The following GEMIN2 variants were observed in gnomAD, a reference collection of about 807,000 sequenced individuals.
The protein encoded by GEMIN2 is gem-associated protein 2.
GEMIN2 carries 37 observed loss-of-function variants against 45.8 expected under a neutral mutation model. The ratio of observed to expected loss-of-function variants is 0.81; its 90% confidence interval spans 0.62 to 1.06. The LOEUF is 1.06. Among genes scored for constraint, GEMIN2 ranks in the 50% least tolerant of loss-of-function variants. The pLI, the probability that GEMIN2 is intolerant of heterozygous loss-of-function variation, is 0.00. For synonymous variants in GEMIN2, 101 were observed against 111.5 expected, an observed-to-expected ratio of 0.91 and a Z score of 0.60; for missense variants, 335 against 321.8, an observed-to-expected ratio of 1.04 and a Z score of -0.31.
At chr14:39,126,175 T>C (rs2052638316) in intron 6 of GEMIN2, among the ~76,000 whole-genome samples, 1 of 152,008 alleles carries the variant, frequency 6.6e-6, no homozygotes, top group Non-Finnish European at 1.5e-5. Context: ...ATTGGGTACC[T>C]TTGGAAGCCT....
chr14:39,115,282 C>T (rs4902406), intron 2 of GEMIN2, among the ~76,000 whole-genome samples: 32,859 of 152,012 alleles, frequency 0.22, 3,981 homozygotes, highest in Middle Eastern at 0.36. Flanking sequence ...GATCCTCCCT[C>T]CTCTGCCACC....
intron 6 of GEMIN2, among the ~76,000 whole-genome samples, chr14:39,128,067 CAAAA>C (rs1212260025): frequency 9.5e-5 from 1 of 10,552 alleles, no homozygotes. Context: ...GACTCTATCT[CAAAA>C]AAAAAAAAAA....
rs569211936 is a variant in GEMIN2, at chr14:39,117,660, C to T, written c.223-339C>T. On this transcript the variant is annotated intron_variant, in intron 2 of 9. Coordinates refer to ENST00000308317, the MANE Select transcript of GEMIN2 (RefSeq NM_003616.3). ...CCAGAATTCTTTATTTGTGGTATAT[C>T]TCTCTTTTTGTTTCTGTTTTGCTAT... 2.6e-5 allele frequency among the ~76,000 whole-genome samples: 4 copies of T among 152,182 alleles called. No individual in the cohort carries two copies. In the East Asian group the frequency reaches 7.7e-4, roughly 29 times the overall value.
intron 4 of GEMIN2, among the ~76,000 whole-genome samples, chr14:39,121,531 CA>C (rs1214393360): frequency 6.6e-6 from 1 of 152,092 alleles, no homozygotes; most frequent in Non-Finnish European, 1.5e-5. Context: ...GACCCTGTCT[CA>C]AAAAATGTAA....
chr14:39,127,868 G>A (rs1002412060), intron 6 of GEMIN2, among the ~76,000 whole-genome samples: 2 of 151,848 alleles, frequency 1.3e-5, no homozygotes, highest in African/African-American at 4.8e-5. Context: ...TCGAGAGTTC[G>A]ACCAGCCTGA....
chr14:39,118,154 G>C, intron 3 of GEMIN2, 66 bp downstream of exon 3: 1 of 769,508 alleles, frequency 1.3e-6, no homozygotes. Context: ...ACTGTAGCTG[G>C]AAAAATAAAA....
chr14:39,124,863 A>G (rs2052620349), intron 5 of GEMIN2, 129 bp from the exon 6 acceptor site: 4 of 628,402 alleles, frequency 6.4e-6, no homozygotes, highest in South Asian at 2.0e-5. Flanking sequence ...GTTATGGACA[A>G]TGAAAGAATT....
intron 1 of GEMIN2, 72 bp downstream of exon 1, chr14:39,114,547 T>C: frequency 3.6e-6 from 4 of 1,121,298 alleles, no homozygotes; most frequent in Non-Finnish European, 5.2e-6. Flanking sequence ...CGGTGCTCTA[T>C]TCCCGTTCCA....
chr14:39,122,493 G>T lies in GEMIN2; in HGVS notation c.436G>T (p.Gly146Trp), dbSNP rs140431922. The change falls in exon 5 of 10, where the codon GGG becomes TGG. Residue 146 changes from glycine to tryptophan, a missense_variant. Physicochemically the swap from Gly to Trp is radical, Grantham distance 184. Coordinates refer to ENST00000308317, the MANE Select transcript of GEMIN2 (RefSeq NM_003616.3). Reference protein sequence around the residue: ...FCLGEKLCADGAVGPATNESP... With the variant: ...FCLGEKLCADWAVGPATNESP... Reference sequence around the variant, plus strand: ...TCTGGGTGAAAAGTTATGTGCTGACGGGGCTGTTGGACCAGCCACAAATGA... The same window carrying T: ...TCTGGGTGAAAAGTTATGTGCTGACTGGGCTGTTGGACCAGCCACAAATGA... The T allele has an allele frequency of 3.7e-6, 6 of 1,609,550 alleles. No homozygotes were observed. Among genetic ancestry groups the T allele is most frequent in the Non-Finnish European group, 5.1e-6 (6 of 1,176,640 alleles).
At chr14:39,123,604 G>A (rs2052601099) in intron 5 of GEMIN2, among the ~76,000 whole-genome samples, 1 of 144,282 alleles carries the variant, frequency 6.9e-6, no homozygotes, top group African/African-American at 2.6e-5. Flanking sequence ...CAAATCTTAG[G>A]GAAGTTAATT....
chr14:39,122,644 A>G (rs2052588210), intron 5 of GEMIN2, 101 bp downstream of exon 5: 1 of 573,202 alleles, frequency 1.7e-6, no homozygotes, highest in African/African-American at 2.0e-5. Flanking sequence ...AGTCCAGTTC[A>G]TGGCCTTTTT....
chr14:39,130,545 A>G (rs1416005010), intron 7 of GEMIN2, among the ~76,000 whole-genome samples: 1 of 152,152 alleles, frequency 6.6e-6, no homozygotes, highest in Non-Finnish European at 1.5e-5. Flanking sequence ...AAACAAGGGA[A>G]TGTTATTAAA....
intron 5 of GEMIN2, among the ~76,000 whole-genome samples, chr14:39,123,700 A>ATATATATATATATATT (rs2052604000): frequency 2.3e-5 from 1 of 43,788 alleles, no homozygotes; most frequent in Non-Finnish European, 4.7e-5. Flanking sequence ...ATATATATAT[A>ATATATATATATATATT]TATATATATT....
intron 9 of GEMIN2, among the ~76,000 whole-genome samples, chr14:39,135,695 G>A (rs2052773417): frequency 1.3e-5 from 2 of 152,098 alleles, no homozygotes; most frequent in South Asian, 4.1e-4. Context: ...GAGTCCAGGG[G>A]TTCAAGAATG....
chr14:39,114,878 A>G lies in GEMIN2; in HGVS notation c.187A>G (p.Lys63Glu). Residue 63 changes from lysine to glutamate, a missense_variant, in exon 2 of 10, where the codon AAG becomes GAG. Lys to Glu is a moderately conservative substitution (Grantham distance 56). Coordinates refer to ENST00000308317, the MANE Select transcript of GEMIN2 (RefSeq NM_003616.3). ...TGTTGTGGTAGCTCAAATTGACCCA[A>G]AGAAGTTGAAAAGGAAGCAAAGTGT... ...PDVVVAQIDP[K>E]KLKRKQSVNI... is the part of the protein sequence containing the mutation. The G allele has an allele frequency of 1.3e-6, 2 of 1,577,756 alleles. 1 individual carries two copies. Among genetic ancestry groups the G allele is most frequent in the East Asian group, 4.5e-5 (2 of 44,700 alleles).
chr14:39,134,852 A>G (rs888200090), intron 9 of GEMIN2, among the ~76,000 whole-genome samples: 9 of 152,230 alleles, frequency 5.9e-5, no homozygotes, highest in Non-Finnish European at 1.0e-4. Flanking sequence ...TGCTGATCAA[A>G]AATTAAGCTA....
chr14:39,128,185 C>A (rs913952463), intron 6 of GEMIN2, 95 bp from the exon 7 acceptor site: 8 of 679,642 alleles, frequency 1.2e-5, no homozygotes, highest in Non-Finnish European at 2.0e-5. Context: ...TTTTTAACAT[C>A]AGAGTTGCTT....
intron 2 of GEMIN2, among the ~76,000 whole-genome samples, chr14:39,115,828 C>T (rs1174387386): frequency 6.6e-6 from 1 of 152,048 alleles, no homozygotes; most frequent in African/African-American, 2.4e-5. Context: ...TTTAATTAAG[C>T]AACTAGGTTG....
intron 8 of GEMIN2, among the ~76,000 whole-genome samples, chr14:39,132,348 T>C (rs935948022): frequency 2.0e-5 from 3 of 152,084 alleles, no homozygotes; most frequent in African/African-American, 7.2e-5. Context: ...CTGGCCCACA[T>C]GGTGAAACCC....
Sources: gnomAD v4.1 joint callset for allele counts (sites outside exome capture counted in the v4.1 genomes callset) on GRCh38, gnomAD v4.1.1 for gene constraint, MANE v1.5 for transcripts, NCBI Gene and HGNC (gene_info 2026-07-23, HGNC 2026-07-21) for gene names.